The following GALNT3 variants were observed in gnomAD, a reference collection of about 807,000 sequenced individuals.
The protein encoded by GALNT3 is polypeptide N-acetylgalactosaminyltransferase 3.
GALNT3 carries 51 observed loss-of-function variants against 69.8 expected under a neutral mutation model. That is an observed-to-expected ratio of 0.73 (90% CI 0.58 to 0.92). GALNT3 has a LOEUF of 0.92. GALNT3 is among the 40% of genes least tolerant of loss of function. The pLI is 0.00. For synonymous variants in GALNT3, 265 were observed against 248.5 expected, an observed-to-expected ratio of 1.07 and a Z score of -0.63; for missense variants, 711 against 760.0, an observed-to-expected ratio of 0.94 and a Z score of 0.76.
At position 165,781,350 on chromosome 2, in the gene GALNT3, A is replaced by T. The variant is rs191588043; in HGVS notation, c.-108-10542T>A. ...GGTGCAGTGGCTCATGCCTGTAATT[A>T]CAGCACTACTGAGGTAGGCGAATTG... On this transcript the variant is annotated intron_variant, in intron 1 of 10. Transcript: ENST00000392701. Among the ~76,000 whole-genome samples, 292 of 152,256 alleles carry T rather than the reference A, an allele frequency of 1.9e-3. 2 individuals carry two copies. Among genetic ancestry groups the T allele is most frequent in the Non-Finnish European group, 3.2e-3 (221 of 68,008 alleles).
intron 8 of GALNT3, 38 bp from the exon 9 acceptor site, chr2:165,754,766 T>C (rs1350703999): frequency 6.8e-7 from 1 of 1,468,690 alleles, no homozygotes; most frequent in East Asian, 2.4e-5. Context: ...AGTTTTTTAA[T>C]CCATGTGATT....
At chr2:165,775,855 T>C (rs1688836668) in intron 1 of GALNT3, among the ~76,000 whole-genome samples, 1 of 152,192 alleles carries the variant, frequency 6.6e-6, no homozygotes, top group African/African-American at 2.4e-5. Flanking sequence ...AAGGGTTGTA[T>C]CTGTCCAAAG....
Position 165,748,783 on chromosome 2 carries a change from A to G in GALNT3, c.1900T>C (p.Ter634GlnextTer18). ...TTCAACTTAATTTTAAGGAACACTT[A>G]ATCATTTTGGCTAAGTATCCATTTT... Reference protein sequence around the residue: ...LQKWILSQND* With the variant: ...LQKWILSQNDQ The change falls in exon 11 of 11, where the codon TAA (stop) becomes CAA (glutamine). Residue 634 changes from the stop codon to glutamine (Q), a stop_lost. Coordinates refer to ENST00000392701, the MANE Select transcript of GALNT3 (RefSeq NM_004482.4). 2 of 1,609,100 alleles carry G rather than the reference A, an allele frequency of 1.2e-6. No homozygotes were observed. Among genetic ancestry groups the G allele is most frequent in the Non-Finnish European group, 1.7e-6 (2 of 1,176,960 alleles).
chr2:165,756,278 GC>G lies in GALNT3; in HGVS notation c.1392+768del, dbSNP rs1360717436. Among the ~76,000 whole-genome samples the G allele has an allele frequency of 5.3e-5, 8 of 152,212 alleles. No individual in the cohort carries two copies. The East Asian group carries it at 1.5e-3, about 29-fold the overall frequency. ...AAAGAGATGAGTACTATACACTGAA[GC>G]ATGGTCTTAAACTATCTAGTTAATT... On this transcript the variant is annotated intron_variant, in intron 7 of 10. Transcript: ENST00000392701.
chr2:165,782,870 A>G (rs763666244), intron 1 of GALNT3, among the ~76,000 whole-genome samples: 2 of 152,152 alleles, frequency 1.3e-5, no homozygotes, highest in Non-Finnish European at 2.9e-5. Context: ...GCAGCAACTA[A>G]AGTTAACTTT....
chr2:165,787,108 C>G (rs1030856137), intron 1 of GALNT3, among the ~76,000 whole-genome samples: 1 of 152,202 alleles, frequency 6.6e-6, no homozygotes, highest in African/African-American at 2.4e-5. Flanking sequence ...ATTTCTTTAG[C>G]CTACAGCCTT....
At chr2:165,771,501 G>A (rs1050671560) in intron 1 of GALNT3, 1 of 152,192 alleles carries the variant, frequency 6.6e-6, no homozygotes, top group African/African-American at 2.4e-5. Context: ...TACTTGAAGT[G>A]TCTGTAGGGA....
At chr2:165,768,243 GCTTA>G (rs530726307) in intron 2 of GALNT3, among the ~76,000 whole-genome samples, 16 of 152,202 alleles carry the variant, frequency 1.1e-4, no homozygotes, top group East Asian at 3.9e-4. Flanking sequence ...TTGTTAATGT[GCTTA>G]CTTGTTTTTC....
intron 1 of GALNT3, among the ~76,000 whole-genome samples, chr2:165,779,948 T>C (rs1278529160): frequency 1.3e-5 from 2 of 152,162 alleles, no homozygotes; most frequent in Non-Finnish European, 2.9e-5. Flanking sequence ...AGAATACTTG[T>C]CTATTCTAGT....
chr2:165,770,023 T>A, intron 2 of GALNT3, 163 bp downstream of exon 2: 1 of 804,790 alleles, frequency 1.2e-6, no homozygotes, highest in African/African-American at 1.7e-5. Flanking sequence ...ATATGTAGCC[T>A]CAATCATTAT....
Position 165,748,335 on chromosome 2 carries a change from C to A in GALNT3, c.*446G>T, listed in dbSNP as rs1297642642. ...TCTGTAAAAGCTCTTGGTTTGTACA[C>A]AGAGGCCAATGCTGACATTTATTGA... On this transcript the variant is annotated 3_prime_UTR_variant, in exon 11 of 11. Transcript: ENST00000392701. 1 of 230,584 alleles carries A rather than the reference C, an allele frequency of 4.3e-6. No homozygotes were observed. The highest frequency in any genetic ancestry group is 8.6e-6 in the Non-Finnish European group (1 of 116,708). 14.3% of individuals were successfully genotyped at this position (230,584 alleles called of 1,614,324 possible). A position where few individuals can be genotyped will look rare whatever the true frequency, so the allele number is the denominator to read the frequency against.
At position 165,770,750 on chromosome 2, in the gene GALNT3, T is replaced by A. The variant is rs777683742; in HGVS notation, c.-50A>T. The A allele has an allele frequency of 6.3e-7, 1 of 1,579,308 alleles. No homozygotes were observed. Among genetic ancestry groups the A allele is most frequent in the East Asian group, 2.2e-5 (1 of 44,718 alleles). On this transcript the variant is annotated 5_prime_UTR_variant, in exon 2 of 11. An upstream open reading frame in the 5' UTR gains an earlier in-frame stop. Coordinates refer to ENST00000392701, the MANE Select transcript of GALNT3 (RefSeq NM_004482.4). ...GACAAATAACAGTTATTTCTTCTTC[T>A]GTTACTTATATTTTTTATCATAGAT...
At chr2:165,783,905 T>C (rs1683165793) in intron 1 of GALNT3, among the ~76,000 whole-genome samples, 1 of 152,162 alleles carries the variant, frequency 6.6e-6, no homozygotes, top group East Asian at 1.9e-4. Flanking sequence ...AAAATCTGTG[T>C]CTACCTTTAA....
At chr2:165,755,130 T>C in intron 7 of GALNT3, 67 bp from the exon 8 acceptor site, 1 of 1,365,940 alleles carries the variant, frequency 7.3e-7, no homozygotes, top group Non-Finnish European at 1.0e-6. Context: ...CTTAAAATAC[T>C]CTTATTTGTA....
Position 165,754,706 on chromosome 2 carries a change from AG to A in GALNT3, c.1546del (p.Leu516TyrfsTer15), listed in dbSNP as rs1343441680. Reference sequence around the variant, plus strand: ...ATTGTTTTCTCCAACATCCAGACATAGAGGCTGACCAACGCTTTTAATCTAA... The same window carrying A: ...ATTGTTTTCTCCAACATCCAGACATAAGGCTGACCAACGCTTTTAATCTAA... ...SGYIKSVGQP[L>X]CLDVGENNQG... On this transcript the variant is annotated frameshift_variant, in exon 9 of 11. Transcript: ENST00000392701. LOFTEE classifies it high-confidence loss of function. The A allele has an allele frequency of 6.2e-6, 10 of 1,613,044 alleles. No individual in the cohort carries two copies. Among genetic ancestry groups the A allele is most frequent in the Non-Finnish European group, 7.6e-6 (9 of 1,179,414 alleles).
At chr2:165,784,374 C>A (rs545839860) in intron 1 of GALNT3, among the ~76,000 whole-genome samples, 13 of 152,164 alleles carry the variant, frequency 8.5e-5, no homozygotes, top group African/African-American at 2.9e-4. Context: ...TGATAGGAGG[C>A]TAAAGGCAAT....
In GALNT3 at chr2:165,749,942, A is replaced by G. The variant is rs373927295; in HGVS notation, c.1627-48T>C. The G allele has an allele frequency of 9.5e-5, 146 of 1,539,670 alleles. No homozygotes were observed. The Middle Eastern group carries it at 1.2e-3, about 12-fold the overall frequency. Reference sequence around the variant, plus strand: ...ACTGACAAAAGCAACCCATGTGCTCAGTTGCAAAATAAATAAATAAATCAG... The same window carrying G: ...ACTGACAAAAGCAACCCATGTGCTCGGTTGCAAAATAAATAAATAAATCAG... On this transcript the variant is annotated intron_variant, in intron 9 of 10. Transcript: ENST00000392701.
At position 165,748,377 on chromosome 2, in the gene GALNT3, TA is replaced by T. The variant is rs940322743; in HGVS notation, c.*403del. ...ATTTATTGATCTATTTTTATGTAGT[TA>T]AAAAAATACAGTAACAAATCTTTCT... On this transcript the variant is annotated 3_prime_UTR_variant, in exon 11 of 11. Coordinates refer to ENST00000392701, the MANE Select transcript of GALNT3 (RefSeq NM_004482.4). 2 of 261,960 alleles carry T rather than the reference TA, an allele frequency of 7.6e-6. No individual in the cohort carries two copies. Among genetic ancestry groups the T allele is most frequent in the Admixed American group, 5.0e-5 (1 of 19,966 alleles). The allele number at this position is 261,960 out of a possible 1,614,324, so 16.2% of individuals were successfully genotyped here. A position where few individuals can be genotyped will look rare whatever the true frequency, so the allele number is the denominator to read the frequency against.
At chr2:165,761,751 A>C in intron 4 of GALNT3, 154 bp downstream of exon 4, 1 of 809,592 alleles carries the variant, frequency 1.2e-6, no homozygotes, top group Non-Finnish European at 2.2e-6. Flanking sequence ...CAGAGCTGTT[A>C]CCTGCTTGGG....
Sources: allele counts gnomAD v4.1 joint callset (sites outside exome capture counted in the v4.1 genomes callset), GRCh38; gene constraint gnomAD v4.1.1; transcripts MANE v1.5; gene names NCBI Gene and HGNC (gene_info 2026-07-23, HGNC 2026-07-21).